The following VAV2 variants were observed in gnomAD, a reference collection of about 807,000 sequenced individuals.
VAV2 encodes guanine nucleotide exchange factor VAV2.
A neutral mutation model predicts 132.5 loss-of-function variants in VAV2; 67 were observed. That is an observed-to-expected ratio of 0.51 (90% CI 0.42 to 0.62). The LOEUF (loss-of-function observed/expected upper bound fraction) is 0.62. Among genes scored for constraint, VAV2 ranks in the 20% least tolerant of loss-of-function variants. The pLI is 0.00. For missense variants in VAV2, 938 were observed against 1,153.6 expected (o/e 0.81, Z 2.71); for synonymous variants, 492 against 443.5 (o/e 1.11, Z -1.37).
chr9:133,838,999 G>A (rs914345258), intron 3 of VAV2, among the ~76,000 whole-genome samples: 36 of 150,158 alleles, frequency 2.4e-4, no homozygotes, highest in Non-Finnish European at 4.9e-4. Flanking sequence ...TGGATGGGTG[G>A]GTAGATGGAT....
intron 1 of VAV2, among the ~76,000 whole-genome samples, chr9:133,963,010 A>G (rs536561516): frequency 9.2e-5 from 14 of 152,286 alleles, no homozygotes; most frequent in East Asian, 7.7e-4. Context: ...CAATAATGTG[A>G]TTGGGTACAG....
chr9:133,807,416 C>T, intron 7 of VAV2, 90 bp from the exon 8 acceptor site: 1 of 1,350,030 alleles, frequency 7.4e-7, no homozygotes, highest in Non-Finnish European at 1.0e-6. Context: ...CAGGGCAGCT[C>T]CGAGGCAGGC....
At chr9:133,890,339 G>T (rs1196334749) in intron 2 of VAV2, among the ~76,000 whole-genome samples, 3 of 152,210 alleles carry the variant, frequency 2.0e-5, no homozygotes, top group African/African-American at 7.2e-5. Context: ...CAGGCCGTGG[G>T]GCAACCAGGA....
chr9:133,899,880 G>A (rs1012831504), intron 2 of VAV2, among the ~76,000 whole-genome samples: 6 of 151,470 alleles, frequency 4.0e-5, no homozygotes, highest in African/African-American at 1.4e-4. Flanking sequence ...AATTAACTGG[G>A]CGTGGTGGCG....
chr9:133,822,106 C>T (rs1033663271), intron 4 of VAV2, among the ~76,000 whole-genome samples: 3 of 152,224 alleles, frequency 2.0e-5, no homozygotes, highest in Non-Finnish European at 4.4e-5. Flanking sequence ...CCACCTGCCC[C>T]GATTCTGTTA....
chr9:133,793,335 C>G (rs1834574243), intron 12 of VAV2, among the ~76,000 whole-genome samples: 1 of 152,098 alleles, frequency 6.6e-6, no homozygotes. Flanking sequence ...GAGCCAGAGC[C>G]AGAGCCAGGT....
chr9:133,933,924 GGTGA>G (rs530786826), intron 2 of VAV2, among the ~76,000 whole-genome samples: 3 of 98,284 alleles, frequency 3.1e-5, no homozygotes, highest in East Asian at 7.8e-4. Context: ...ATGGATGATG[GGTGA>G]ATGGATGGAT....
intron 2 of VAV2, among the ~76,000 whole-genome samples, chr9:133,865,304 A>G (rs1837756551): frequency 6.6e-6 from 1 of 152,128 alleles, no homozygotes. Context: ...AAGAACCCAG[A>G]TGTCTAGCTA....
At chr9:133,959,848 G>C (rs914528759) in intron 1 of VAV2, among the ~76,000 whole-genome samples, 4 of 152,170 alleles carry the variant, frequency 2.6e-5, no homozygotes, top group East Asian at 3.9e-4. Flanking sequence ...CGCAGGAGGT[G>C]GGGGAGGCAG....
intron 1 of VAV2, among the ~76,000 whole-genome samples, chr9:133,989,392 C>T (rs1419367345): frequency 2.4e-4 from 35 of 148,736 alleles, no homozygotes; most frequent in African/African-American, 8.7e-4. Context: ...TGGTGGCAGG[C>T]GCCTGTAATC....
intron 3 of VAV2, among the ~76,000 whole-genome samples, chr9:133,851,264 TC>T (rs1263392122): frequency 6.6e-6 from 1 of 152,050 alleles, no homozygotes; most frequent in Non-Finnish European, 1.5e-5. Flanking sequence ...TGCCGGGAGA[TC>T]CCCATTTGCA....
Position 133,955,003 on chromosome 9 carries a change from T to G in VAV2, c.205-15784A>C, listed in dbSNP as rs146194241. ...GCTGTTTGCGTGCAATGAATGCAAGTGCACTGAGGTGAGGAAAAAGGAAGG... is the reference window on the plus strand; with the variant it reads ...GCTGTTTGCGTGCAATGAATGCAAGGGCACTGAGGTGAGGAAAAAGGAAGG... On this transcript the variant is annotated intron_variant, in intron 1 of 29. Coordinates refer to ENST00000371850, the MANE Select transcript of VAV2 (RefSeq NM_001134398.2). Among the ~76,000 whole-genome samples, 134 of 152,166 alleles carry G rather than the reference T, an allele frequency of 8.8e-4. 3 individuals carry two copies. Among genetic ancestry groups the G allele is most frequent in the African/African-American group, 3.0e-3 (123 of 41,494 alleles).
intron 1 of VAV2, among the ~76,000 whole-genome samples, chr9:133,976,350 A>C (rs535815338): frequency 2.0e-4 from 30 of 152,330 alleles, no homozygotes; most frequent in Admixed American, 5.2e-4. Flanking sequence ...TGGGACCAGC[A>C]TCCTCTGGCC....
chr9:133,907,373 C>G (rs1304507597), intron 2 of VAV2, among the ~76,000 whole-genome samples: 1 of 152,248 alleles, frequency 6.6e-6, no homozygotes, highest in Non-Finnish European at 1.5e-5. Context: ...CATCCCATCA[C>G]GGTTCAAGCC....
intron 2 of VAV2, among the ~76,000 whole-genome samples, chr9:133,924,861 C>T (rs919281479): frequency 6.6e-6 from 1 of 152,224 alleles, no homozygotes; most frequent in Non-Finnish European, 1.5e-5. Flanking sequence ...GTGGTCGATC[C>T]AAACAGTAAA....
At chr9:133,948,552 TC>T (rs1396308064) in intron 1 of VAV2, among the ~76,000 whole-genome samples, 1 of 150,586 alleles carries the variant, frequency 6.6e-6, no homozygotes, top group Non-Finnish European at 1.5e-5. Context: ...GGAGTGGAGC[TC>T]CCCCCACCAA....
At chr9:133,908,362 A>AC (rs1190525099) in intron 2 of VAV2, among the ~76,000 whole-genome samples, 1 of 151,410 alleles carries the variant, frequency 6.6e-6, no homozygotes, top group East Asian at 1.9e-4. Context: ...CAAAGCTGAA[A>AC]CCCCCCATGC....
intron 25 of VAV2, among the ~76,000 whole-genome samples, chr9:133,774,582 A>C (rs1833745071): frequency 6.6e-6 from 1 of 152,100 alleles, no homozygotes; most frequent in African/African-American, 2.4e-5. Flanking sequence ...CCACTCTCTC[A>C]ACCTGTGGGG....
intron 4 of VAV2, among the ~76,000 whole-genome samples, chr9:133,813,244 G>T (rs1835424784): frequency 6.6e-6 from 1 of 152,232 alleles, no homozygotes; most frequent in African/African-American, 2.4e-5. Context: ...GGCTCAAAGT[G>T]GGTGGCAAAG....
Sources: allele counts gnomAD v4.1 joint callset (sites outside exome capture counted in the v4.1 genomes callset), GRCh38; gene constraint gnomAD v4.1.1; transcripts MANE v1.5; gene names NCBI Gene and HGNC (gene_info 2026-07-23, HGNC 2026-07-21).